The following SBF2 variants were observed in gnomAD, a reference collection of about 807,000 sequenced individuals.
SBF2 encodes the protein SET binding factor 2.
SBF2 carries 112 observed loss-of-function variants against 225.2 expected under a neutral mutation model. The observed-to-expected ratio is 0.50, with a 90% CI of 0.43 to 0.58. The LOEUF is 0.58. Ranked by LOEUF, SBF2 falls within the 20% of genes least tolerant of loss-of-function variation. The pLI is 0.00. For synonymous variants in SBF2, 763 were observed against 773.3 expected, an observed-to-expected ratio of 0.99 and a Z score of 0.22; for missense variants, 1,996 against 2,206.2, an observed-to-expected ratio of 0.90 and a Z score of 1.91.
chr11:10,199,123 T>C (rs1203659099), intron 1 of SBF2, among the ~76,000 whole-genome samples: 1 of 152,190 alleles, frequency 6.6e-6, no homozygotes, highest in Non-Finnish European at 1.5e-5. Context: ...AGACATGCAA[T>C]TCTTCCTTTC....
intron 24 of SBF2, among the ~76,000 whole-genome samples, chr11:9,845,242 A>C (rs528445630): frequency 6.6e-6 from 1 of 152,356 alleles, no homozygotes; most frequent in Admixed American, 6.5e-5. Context: ...CCTGGATATT[A>C]ATAAAAGCTG....
intron 16 of SBF2, among the ~76,000 whole-genome samples, chr11:9,948,220 T>C (rs576973178): frequency 8.6e-5 from 13 of 151,984 alleles, no homozygotes; most frequent in South Asian, 8.3e-4. Context: ...GCCAAATTCA[T>C]AGACACACAA....
chr11:9,823,996 A>C (rs1212122068), intron 28 of SBF2, among the ~76,000 whole-genome samples: 4 of 152,244 alleles, frequency 2.6e-5, no homozygotes, highest in Non-Finnish European at 4.4e-5. Flanking sequence ...AAAAACTGTC[A>C]TAAGGAAACA....
At chr11:9,829,531 G>C (rs1432342196) in intron 27 of SBF2, 35 bp from the exon 28 acceptor site, 1 of 1,534,306 alleles carries the variant, frequency 6.5e-7, no homozygotes, top group African/African-American at 1.4e-5. Context: ...AAAATAAACT[G>C]TCTCTGTGTT....
rs1962989492 is a variant in SBF2 at position 10,276,806 on chromosome 11, T to C, written c.55+17209A>G. Among the ~76,000 whole-genome samples the C allele has an allele frequency of 2.6e-5, 4 of 152,194 alleles. No homozygotes were observed. The South Asian group carries it at 8.3e-4, about 32-fold the overall frequency. ...TGTAAAACAAGTGTATAGAGAAATG[T>C]AGGCTGTGACACTAGATCCCAAGAA... On this transcript the variant is annotated intron_variant, in intron 1 of 39. Coordinates refer to ENST00000256190, the MANE Select transcript of SBF2 (RefSeq NM_030962.4).
intron 1 of SBF2, among the ~76,000 whole-genome samples, chr11:10,286,908 C>T (rs778960707): frequency 7.2e-5 from 11 of 152,162 alleles, no homozygotes; most frequent in Middle Eastern, 3.4e-3. Context: ...ACGTATTTAC[C>T]CAAGAGAAAT....
intron 22 of SBF2, 47 bp downstream of exon 22, chr11:9,849,976 C>T: frequency 1.3e-6 from 2 of 1,543,394 alleles, no homozygotes; most frequent in Admixed American, 1.7e-5. Flanking sequence ...ATCGAGACCT[C>T]ATGTACCACA....
chr11:10,220,065 C>A (rs532871447), intron 1 of SBF2, among the ~76,000 whole-genome samples: 13 of 152,276 alleles, frequency 8.5e-5, no homozygotes, highest in African/African-American at 2.4e-4. Flanking sequence ...AATAAAGACA[C>A]ACCAGAGACT....
At chr11:10,104,644 A>G (rs1952471604) in intron 2 of SBF2, among the ~76,000 whole-genome samples, 1 of 152,190 alleles carries the variant, frequency 6.6e-6, no homozygotes, top group Non-Finnish European at 1.5e-5. Flanking sequence ...TGGAAACTGT[A>G]AGCATTAAAC....
At chr11:9,934,303 G>C (rs1864722442) in intron 16 of SBF2, among the ~76,000 whole-genome samples, 1 of 152,090 alleles carries the variant, frequency 6.6e-6, no homozygotes, top group African/African-American at 2.4e-5. Context: ...CTCTGAAATT[G>C]AGGCAATAAT....
intron 2 of SBF2, among the ~76,000 whole-genome samples, chr11:10,140,066 T>C (rs1047668032): frequency 5.9e-5 from 9 of 152,234 alleles, no homozygotes; most frequent in Non-Finnish European, 4.4e-5. Flanking sequence ...ATACATTTGG[T>C]CTTTGCCACC....
At chr11:10,185,382 C>T (rs1956896743) in intron 2 of SBF2, among the ~76,000 whole-genome samples, 1 of 152,204 alleles carries the variant, frequency 6.6e-6, no homozygotes, top group Non-Finnish European at 1.5e-5. Flanking sequence ...TACGTTCCCA[C>T]CAACAGTGCA....
At chr11:9,828,652 C>T (rs1182870561) in intron 28 of SBF2, 1 of 985,010 alleles carries the variant, frequency 1.0e-6, no homozygotes, top group African/African-American at 1.7e-5. Flanking sequence ...AATATTAGTA[C>T]AAGTCTTAAT....
chr11:9,942,630 C>G (rs1163506892), intron 16 of SBF2, among the ~76,000 whole-genome samples: 1 of 152,028 alleles, frequency 6.6e-6, no homozygotes, highest in Non-Finnish European at 1.5e-5. Context: ...TTAATTAAGA[C>G]TATGTGATGG....
intron 32 of SBF2, 194 bp downstream of exon 32, chr11:9,807,806 A>G (rs1316231949): frequency 4.6e-5 from 29 of 628,538 alleles, no homozygotes; most frequent in Non-Finnish European, 1.1e-5. Flanking sequence ...TAGCTGTCCT[A>G]GTTTCAGAAA....
At position 10,196,864 on chromosome 11, in the gene SBF2, A is replaced by ATTTTT. The variant is rs1464688140; in HGVS notation, c.56-2878_56-2877insAAAAA. 1.4e-3 allele frequency among the ~76,000 whole-genome samples: 86 copies of ATTTTT among 61,942 alleles called. 1 individual carries two copies. Among genetic ancestry groups the ATTTTT allele is most frequent in the East Asian group, 2.8e-3 (7 of 2,486 alleles). 40.6% of individuals were successfully genotyped at this position (61,942 alleles called of 152,430 possible). On this transcript the variant is annotated intron_variant, in intron 1 of 39. Transcript: ENST00000256190. ...TATATATATATATATATATATATAT[A>ATTTTT]TATTTTTTTTTTCCTACAAAATGAA...
intron 2 of SBF2, among the ~76,000 whole-genome samples, chr11:10,093,397 CA>C (rs1290901455): frequency 2.9e-5 from 4 of 137,304 alleles, no homozygotes; most frequent in Admixed American, 7.4e-5. Context: ...AAAAAAAAAA[CA>C]AAAAAAAATT....
intron 1 of SBF2, among the ~76,000 whole-genome samples, chr11:10,200,839 T>TA (rs1158352012): frequency 1.3e-5 from 2 of 152,334 alleles, no homozygotes; most frequent in African/African-American, 4.8e-5. Flanking sequence ...TATGTTATAT[T>TA]AAAATATTGC....
At chr11:10,233,677 C>T (rs1958950718) in intron 1 of SBF2, among the ~76,000 whole-genome samples, 1 of 151,488 alleles carries the variant, frequency 6.6e-6, no homozygotes, top group East Asian at 1.9e-4. Flanking sequence ...GATCTCCTTT[C>T]AAGAAAGAAT....
Sources: allele counts gnomAD v4.1 joint callset (sites outside exome capture counted in the v4.1 genomes callset), GRCh38; gene constraint gnomAD v4.1.1; transcripts MANE v1.5; gene names NCBI Gene and HGNC (gene_info 2026-07-23, HGNC 2026-07-21).